The following CTNNA3 variants were observed in gnomAD, a reference collection of about 807,000 sequenced individuals.
The protein encoded by CTNNA3 is catenin alpha 3.
In CTNNA3, 76 loss-of-function variants were observed where a neutral mutation model predicts 95.7. The ratio of observed to expected loss-of-function variants is 0.79; its 90% CI spans 0.66 to 0.96. CTNNA3 has a LOEUF of 0.96. CTNNA3 is among the 40% of genes least tolerant of loss of function. CTNNA3 has a pLI of 0.00. For synonymous variants in CTNNA3, 431 were observed against 374.4 expected (o/e 1.15, Z -1.74); for missense variants, 1,191 against 1,089.8 (o/e 1.09, Z -1.31).
intron 5 of CTNNA3, among the ~76,000 whole-genome samples, chr10:67,226,598 C>T (rs960406084): frequency 3.3e-5 from 5 of 152,122 alleles, no homozygotes; most frequent in African/African-American, 1.2e-4. Context: ...CAATTATCAG[C>T]CAAGAATTTT....
At chr10:66,700,690 T>C (rs982998946) in intron 9 of CTNNA3, among the ~76,000 whole-genome samples, 1 of 152,158 alleles carries the variant, frequency 6.6e-6, no homozygotes, top group African/African-American at 2.4e-5. Context: ...TCCATCATTC[T>C]AAATTAATTA....
intron 1 of CTNNA3, among the ~76,000 whole-genome samples, chr10:67,756,544 C>T (rs1399763417): frequency 1.3e-5 from 2 of 152,024 alleles, no homozygotes; most frequent in Non-Finnish European, 2.9e-5. Context: ...CATGCTGTAA[C>T]ATGGATAAAC....
At chr10:65,940,904 C>T (rs1351160465) in intron 17 of CTNNA3, among the ~76,000 whole-genome samples, 1 of 152,092 alleles carries the variant, frequency 6.6e-6, no homozygotes, top group Admixed American at 6.6e-5. Flanking sequence ...CACAGTAATC[C>T]AGAATGCCAC....
intron 1 of CTNNA3, among the ~76,000 whole-genome samples, chr10:67,710,935 G>A (rs943043661): frequency 6.6e-6 from 1 of 152,170 alleles, no homozygotes; most frequent in Non-Finnish European, 1.5e-5. Flanking sequence ...TTGTGGGAGG[G>A]ACCAAGTGGG....
Position 67,508,079 on chromosome 10 carries a change from T to C in CTNNA3, c.579+13763A>G, listed in dbSNP as rs140377628. On this transcript the variant is annotated intron_variant, in intron 5 of 17. Coordinates refer to ENST00000433211, the MANE Select transcript of CTNNA3 (RefSeq NM_013266.4). The stretch of plus-strand genomic sequence containing the variant: ...CCCAGGCTGGAGTACAGTGGCGCAA[T>C]TGTAGCTCATTACAACCTCCACCTC... 3.1e-3 allele frequency among the ~76,000 whole-genome samples: 473 copies of C among 152,262 alleles called. 3 individuals are homozygous for C. Among genetic ancestry groups the C allele is most frequent in the African/African-American group, 0.011 (446 of 41,544 alleles).
chr10:66,071,334 T>A (rs998915286), intron 14 of CTNNA3, among the ~76,000 whole-genome samples: 2 of 31,074 alleles, frequency 6.4e-5, no homozygotes, highest in African/African-American at 2.0e-4. Flanking sequence ...GCCATCTGAA[T>A]AAGATTATAT....
At chr10:65,940,655 G>A (rs1388928170) in intron 17 of CTNNA3, among the ~76,000 whole-genome samples, 1 of 152,088 alleles carries the variant, frequency 6.6e-6, no homozygotes, top group East Asian at 1.9e-4. Flanking sequence ...AGATGCATAG[G>A]CCTTTATCCC....
chr10:65,966,392 T>C (rs1263088539), intron 17 of CTNNA3, among the ~76,000 whole-genome samples: 2 of 152,222 alleles, frequency 1.3e-5, no homozygotes, highest in African/African-American at 4.8e-5. Flanking sequence ...TACTCTTTAA[T>C]CTCTGAAGTA....
chr10:66,198,776 T>G (rs1026909399), intron 13 of CTNNA3, among the ~76,000 whole-genome samples: 1 of 152,180 alleles, frequency 6.6e-6, no homozygotes, highest in Non-Finnish European at 1.5e-5. Flanking sequence ...TACAATGTAC[T>G]TTATGTAATA....
chr10:67,369,333 A>T (rs1843330059), intron 5 of CTNNA3, among the ~76,000 whole-genome samples: 1 of 152,194 alleles, frequency 6.6e-6, no homozygotes, highest in Admixed American at 6.5e-5. Flanking sequence ...GAAAAAATTA[A>T]ATAAGATTGA....
At chr10:66,581,398 G>A (rs772241699) in intron 10 of CTNNA3, among the ~76,000 whole-genome samples, 15 of 132,806 alleles carry the variant, frequency 1.1e-4, no homozygotes, top group South Asian at 5.1e-4. Context: ...ACGTCCACCC[G>A]AGCATCTTTT....
intron 5 of CTNNA3, among the ~76,000 whole-genome samples, chr10:67,349,609 T>C (rs1363442909): frequency 6.6e-6 from 1 of 152,140 alleles, no homozygotes; most frequent in Non-Finnish European, 1.5e-5. Context: ...TCAAGATAAA[T>C]AAGTTCTAGA....
At chr10:67,087,743 T>C (rs913658972) in intron 7 of CTNNA3, among the ~76,000 whole-genome samples, 28 of 151,984 alleles carry the variant, frequency 1.8e-4, no homozygotes, top group African/African-American at 6.5e-4. Context: ...TTTAATAGAT[T>C]ATCTCAGTCA....
intron 4 of CTNNA3, among the ~76,000 whole-genome samples, chr10:67,524,382 C>T (rs541691394): frequency 3.8e-4 from 47 of 122,156 alleles, no homozygotes; most frequent in Admixed American, 6.4e-4. Context: ...TGGGCGACAG[C>T]GAGACTCTGT....
intron 7 of CTNNA3, among the ~76,000 whole-genome samples, chr10:66,931,704 G>A (rs1023390041): frequency 6.6e-6 from 1 of 152,102 alleles, no homozygotes; most frequent in Admixed American, 6.5e-5. Flanking sequence ...TAATTATAAT[G>A]TAATTTTTGA....
intron 15 of CTNNA3, among the ~76,000 whole-genome samples, chr10:66,007,934 C>T (rs1180450273): frequency 6.6e-6 from 1 of 151,700 alleles, no homozygotes; most frequent in Non-Finnish European, 1.5e-5. Flanking sequence ...AGTCACAGTG[C>T]CAGGATGTAT....
intron 5 of CTNNA3, among the ~76,000 whole-genome samples, chr10:67,341,718 G>A (rs555877734): frequency 1.3e-5 from 2 of 152,066 alleles, no homozygotes; most frequent in African/African-American, 2.4e-5. Context: ...ACCTAGCAAT[G>A]GGATTGCTGC....
chr10:66,763,871 A>G (rs560830597), intron 9 of CTNNA3, among the ~76,000 whole-genome samples: 14 of 152,278 alleles, frequency 9.2e-5, no homozygotes, highest in African/African-American at 3.4e-4. Context: ...TGAATATGCC[A>G]TTTAGCATGT....
chr10:66,757,356 A>G (rs1426996382), intron 9 of CTNNA3, among the ~76,000 whole-genome samples: 1 of 152,172 alleles, frequency 6.6e-6, no homozygotes, highest in African/African-American at 2.4e-5. Context: ...TAGGAACTCA[A>G]TAGCCTATTG....
Sources: allele counts gnomAD v4.1 joint callset (sites outside exome capture counted in the v4.1 genomes callset), GRCh38; gene constraint gnomAD v4.1.1; transcripts MANE v1.5; gene names NCBI Gene and HGNC (gene_info 2026-07-23, HGNC 2026-07-21).